WSCD2: variants seen among roughly 807,000 people sequenced by gnomAD.
WSCD2 encodes the protein WSC domain sialate O sulfotransferase 2, also known as sialate:O-sulfotransferase 2.
WSCD2 carries 28 observed loss-of-function variants against 55.7 expected under a neutral mutation model. The ratio of observed to expected loss-of-function variants is 0.50; its 90% CI spans 0.37 to 0.69. The LOEUF is 0.69. Among genes scored for constraint, WSCD2 ranks in the 30% least tolerant of loss-of-function variants. WSCD2 has a pLI of 0.00. For missense variants in WSCD2, 616 were observed against 762.1 expected, an observed-to-expected ratio of 0.81 and a Z score of 2.26; for synonymous variants, 301 against 301.9, an observed-to-expected ratio of 1.00 and a Z score of 0.03.
intron 1 of WSCD2, among the ~76,000 whole-genome samples, chr12:108,168,715 A>C (rs1455034809): frequency 6.6e-6 from 1 of 152,206 alleles, no homozygotes; most frequent in African/African-American, 2.4e-5. Context: ...GCTTGAAAGA[A>C]TGGTTCTGAA....
intron 1 of WSCD2, among the ~76,000 whole-genome samples, chr12:108,191,291 C>T (rs1883122333): frequency 3.9e-5 from 6 of 152,260 alleles, no homozygotes; most frequent in Middle Eastern, 3.4e-3. Flanking sequence ...GTTTCATTTC[C>T]CCATTACCTT....
Position 108,210,105 on chromosome 12 carries a change from C to G in WSCD2, c.498-16C>G. 1 of 1,614,044 alleles carries G rather than the reference C, an allele frequency of 6.2e-7. No homozygotes were observed. Among genetic ancestry groups the G allele is most frequent in the Non-Finnish European group, 8.5e-7 (1 of 1,179,978 alleles). ...CCATGGTGGCAGCTACCCTGCTTGA[C>G]AGCAGCCTCCCCCAGGGGTTACCTG... On this transcript the variant is annotated splice_polypyrimidine_tract_variant and intron_variant, in intron 3 of 8. Coordinates refer to ENST00000547525, the MANE Select transcript of WSCD2 (RefSeq NM_014653.4). This position sits in a 1 kb window ranked among gnomAD's most constrained non-coding sequence, Gnocchi z 4.3.
intron 4 of WSCD2, among the ~76,000 whole-genome samples, chr12:108,221,879 T>G (rs1435986756): frequency 6.6e-6 from 1 of 152,174 alleles, no homozygotes; most frequent in Non-Finnish European, 1.5e-5. Flanking sequence ...CTATCACCAC[T>G]ACCACTGCCA....
intron 1 of WSCD2, among the ~76,000 whole-genome samples, chr12:108,189,152 G>A (rs1430621400): frequency 6.6e-6 from 1 of 152,078 alleles, no homozygotes; most frequent in African/African-American, 2.4e-5. Flanking sequence ...CCTATTCTAA[G>A]GAATCAACTA....
At chr12:108,157,721 T>G (rs1359449651) in intron 1 of WSCD2, among the ~76,000 whole-genome samples, 2 of 152,134 alleles carry the variant, frequency 1.3e-5, no homozygotes, top group Admixed American at 1.3e-4. Flanking sequence ...TGGGGTGAGC[T>G]CCTGCAGTTG....
intron 1 of WSCD2, among the ~76,000 whole-genome samples, chr12:108,150,177 C>T (rs1281672850): frequency 2.0e-5 from 3 of 152,036 alleles, no homozygotes; most frequent in Non-Finnish European, 4.4e-5. Context: ...CTGAGAGGTG[C>T]GGGGGTTTGC....
In WSCD2 at chr12:108,196,121, G is replaced by A; in HGVS notation, c.289G>A (p.Asp97Asn). 6 of 1,614,186 alleles carry A rather than the reference G, an allele frequency of 3.7e-6. No individual in the cohort carries two copies. The African/African-American group carries it at 8.0e-5, about 22-fold the overall frequency. Residue 97 changes from aspartate to asparagine, a missense_variant, in exon 2 of 9, where the codon GAT (aspartate) becomes AAT (asparagine). This residue lies in a region of WSCD2 where 374 missense variants were observed against 467.4 expected (regional missense o/e 0.80). Coordinates refer to ENST00000547525, the MANE Select transcript of WSCD2 (RefSeq NM_014653.4). ...RRYGPWFKGK[D>N]GNERAKLGDY... ...GTACGGACCCTGGTTCAAGGGCAAG[G>A]ATGGGAATGAGAGAGCCAAGCTTGG...
At chr12:108,244,592 T>C in intron 8 of WSCD2, 1 of 702,548 alleles carries the variant, frequency 1.4e-6, no homozygotes, top group South Asian at 1.5e-5. Context: ...GTAGGTCTTA[T>C]CCAGATCACC....
At chr12:108,202,040 G>T (rs1450057095) in intron 2 of WSCD2, among the ~76,000 whole-genome samples, 2 of 152,142 alleles carry the variant, frequency 1.3e-5, no homozygotes, top group Non-Finnish European at 2.9e-5. Flanking sequence ...TTACATATCT[G>T]ACCTCCTGTC....
At chr12:108,238,102 G>A (rs895607438) in intron 7 of WSCD2, among the ~76,000 whole-genome samples, 6 of 152,212 alleles carry the variant, frequency 3.9e-5, no homozygotes, top group East Asian at 1.9e-4. Context: ...TACATGACAC[G>A]AAATTATATC....
chr12:108,134,022 G>A (rs1875900793), intron 1 of WSCD2, among the ~76,000 whole-genome samples: 1 of 152,180 alleles, frequency 6.6e-6, no homozygotes, highest in Non-Finnish European at 1.5e-5. Context: ...GGGAAGATAG[G>A]GACTGTGGTG....
chr12:108,245,391 C>T (rs750177530), intron 8 of WSCD2, among the ~76,000 whole-genome samples: 1 of 152,208 alleles, frequency 6.6e-6, no homozygotes, highest in Non-Finnish European at 1.5e-5. Context: ...AGGCAACATA[C>T]ATTCCCTTCC....
chr12:108,206,532 C>A, intron 3 of WSCD2, 129 bp downstream of exon 3: 1 of 837,486 alleles, frequency 1.2e-6, no homozygotes, highest in Non-Finnish European at 1.9e-6. Context: ...GAAAGGTTGA[C>A]GCAAGGGTGT....
At chr12:108,169,473 G>C (rs1336847952) in intron 1 of WSCD2, among the ~76,000 whole-genome samples, 2 of 152,072 alleles carry the variant, frequency 1.3e-5, no homozygotes, top group African/African-American at 4.8e-5. Context: ...CATGGGCCTT[G>C]ACAGAAACGT....
intron 3 of WSCD2, among the ~76,000 whole-genome samples, chr12:108,209,271 G>A (rs181213131): frequency 2.1e-4 from 32 of 152,160 alleles, no homozygotes; most frequent in Admixed American, 1.1e-3. Flanking sequence ...GTCTTCTCTC[G>A]AAGGGGTGTG....
At chr12:108,170,873 G>A (rs1204724061) in intron 1 of WSCD2, among the ~76,000 whole-genome samples, 1 of 152,200 alleles carries the variant, frequency 6.6e-6, no homozygotes, top group African/African-American at 2.4e-5. Flanking sequence ...AGTCCTGTGG[G>A]CTTGCAGAAG....
At chr12:108,139,070 T>C (rs970990576) in intron 1 of WSCD2, among the ~76,000 whole-genome samples, 3 of 152,184 alleles carry the variant, frequency 2.0e-5, no homozygotes, top group Non-Finnish European at 4.4e-5. Context: ...GTTCTGTGCT[T>C]AGCACCATCA....
chr12:108,186,884 T>C (rs1422399492), intron 1 of WSCD2, among the ~76,000 whole-genome samples: 1 of 152,212 alleles, frequency 6.6e-6, no homozygotes, highest in East Asian at 1.9e-4. Flanking sequence ...TCTATAACCC[T>C]GGAAGGCTTG....
intron 1 of WSCD2, among the ~76,000 whole-genome samples, chr12:108,178,962 A>G (rs952145950): frequency 7.2e-5 from 11 of 152,308 alleles, no homozygotes; most frequent in Non-Finnish European, 1.3e-4. Flanking sequence ...GATACTGTCC[A>G]CTTAACATGT....
Sources: allele counts gnomAD v4.1 joint callset (sites outside exome capture counted in the v4.1 genomes callset), GRCh38; gene constraint gnomAD v4.1.1; regional missense constraint gnomAD v4.1.1; non-coding constraint Gnocchi (gnomAD v3.1); transcripts MANE v1.5; gene names NCBI Gene and HGNC (gene_info 2026-07-23, HGNC 2026-07-21).